The following ANP32A variants were observed in gnomAD, a reference collection of about 807,000 sequenced individuals.
ANP32A encodes the protein acidic leucine-rich nuclear phosphoprotein 32 family member A.
Under a neutral mutation model 33.9 loss-of-function variants are expected in ANP32A, and 1 was observed. The ratio of observed to expected loss-of-function variants is 0.03; its 90% confidence interval spans 0.01 to 0.14. The LOEUF is 0.14. Among genes scored for constraint, ANP32A ranks in the 10% least tolerant of loss-of-function variants. The pLI is 1.00. For synonymous variants in ANP32A, 115 were observed against 120.5 expected (o/e 0.95, Z 0.30); for missense variants, 155 against 306.0 (o/e 0.51, Z 3.68).
chr15:68,811,095 C>T lies in ANP32A; in HGVS notation c.54+9603G>A, dbSNP rs538757553. 2.0e-4 allele frequency among the ~76,000 whole-genome samples: 30 copies of T among 151,370 alleles called. 1 individual carries two copies. The highest frequency in any genetic ancestry group is 3.4e-3 in the Middle Eastern group (1 of 292). ...AAAAAAAAAAAAGAATGCTGAATCC[C>T]GCCACTGAGACATCATGCAAGATAA... On this transcript the variant is annotated intron_variant, in intron 1 of 6. Transcript: ENST00000465139.
rs144316654 is a variant in ANP32A, at chr15:68,786,147, T to A, written c.327+1266A>T. 4.1e-3 allele frequency among the ~76,000 whole-genome samples: 619 copies of A among 152,044 alleles called. 7 individuals are homozygous for A. The highest frequency in any genetic ancestry group is 0.014 in the African/African-American group (572 of 41,468). On this transcript the variant is annotated intron_variant, in intron 3 of 6. Coordinates refer to ENST00000465139, the MANE Select transcript of ANP32A (RefSeq NM_006305.4). Reference sequence around the variant, plus strand: ...GAAAACTCCAGCCCAATCTGAGGGATACCCAACCTCCCCTATAAACCCAGA... The same window carrying A: ...GAAAACTCCAGCCCAATCTGAGGGAAACCCAACCTCCCCTATAAACCCAGA...
Position 68,779,765 on chromosome 15 carries a change from T to G in ANP32A, c.*316A>C. The G allele has an allele frequency of 3.6e-6, 1 of 274,432 alleles. No individual in the cohort carries two copies. Among genetic ancestry groups the G allele is most frequent in the Non-Finnish European group, 6.9e-6 (1 of 145,674 alleles). The allele number at this position is 274,432 out of a possible 1,614,324, so 17.0% of individuals were successfully genotyped here. On this transcript the variant is annotated 3_prime_UTR_variant, in exon 7 of 7. Transcript: ENST00000465139. The stretch of plus-strand genomic sequence containing the variant: ...GGAAACGTAAGAGAACTCCAAACCA[T>G]CCTCTTTGAGAGTCAGGAACAAATG...
In ANP32A at chr15:68,779,922, C is replaced by A; in HGVS notation, c.*159G>T. 1 of 507,326 alleles carries A rather than the reference C, an allele frequency of 2.0e-6. No individual in the cohort carries two copies. The highest frequency in any genetic ancestry group is 3.4e-6 in the Non-Finnish European group (1 of 294,132). 31.4% of individuals were successfully genotyped at this position (507,326 alleles called of 1,614,324 possible). A position where few individuals can be genotyped will look rare whatever the true frequency, so the allele number is the denominator to read the frequency against. ...CCACCCCCACCCGCCATCCCTCCCC[C>A]CGCAACCCCCAGTACACTCTTCCCC... On this transcript the variant is annotated 3_prime_UTR_variant, in exon 7 of 7. Transcript: ENST00000465139.
At position 68,783,107 on chromosome 15, in the gene ANP32A, C is replaced by G. The variant is rs920726515; in HGVS notation, c.527-54G>C. 80 of 1,548,490 alleles carry G rather than the reference C, an allele frequency of 5.2e-5. No individual in the cohort carries two copies. The Middle Eastern group carries it at 2.3e-3, about 45-fold the overall frequency. On this transcript the variant is annotated intron_variant, in intron 4 of 6. Transcript: ENST00000465139. ...AGAACTAGTGGTGAGCTGGCTCCGC[C>G]CCCCACACAGCACAGGCCCCTTGTA...
intron 1 of ANP32A, among the ~76,000 whole-genome samples, chr15:68,805,018 C>G (rs2140369419): frequency 6.6e-6 from 1 of 152,274 alleles, no homozygotes; most frequent in East Asian, 1.9e-4. Flanking sequence ...GAGGTGGGGT[C>G]TGCTGCTGTA....
At chr15:68,806,427 C>T (rs1048181079) in intron 1 of ANP32A, among the ~76,000 whole-genome samples, 2 of 152,196 alleles carry the variant, frequency 1.3e-5, no homozygotes, top group Non-Finnish European at 2.9e-5. Context: ...GAATGAAGTA[C>T]CCTTCTGGCT....
chr15:68,792,824 C>T (rs1184617111), intron 1 of ANP32A, among the ~76,000 whole-genome samples: 1 of 152,210 alleles, frequency 6.6e-6, no homozygotes, highest in African/African-American at 2.4e-5. Flanking sequence ...AGGCCTCAGG[C>T]TTCTGCCTCT....
chr15:68,813,871 T>TTTC (rs1329172414), intron 1 of ANP32A, among the ~76,000 whole-genome samples: 2 of 146,124 alleles, frequency 1.4e-5, no homozygotes, highest in Admixed American at 6.8e-5. Flanking sequence ...CCAGGAAGTT[T>TTTC]TTTTTTTTTT....
At position 68,806,817 on chromosome 15, in the gene ANP32A, T is replaced by G. The variant is rs148072475; in HGVS notation, c.54+13881A>C. On this transcript the variant is annotated intron_variant, in intron 1 of 6. Coordinates refer to ENST00000465139, the MANE Select transcript of ANP32A (RefSeq NM_006305.4). ...AGTGGAAGGAACGCCTGGGTGGCTG[T>G]GAAGGCCAGTTTCTGACCCTCCATA... Among the ~76,000 whole-genome samples, 256 of 152,348 alleles carry G rather than the reference T, an allele frequency of 1.7e-3. 1 individual carries two copies. The highest frequency in any genetic ancestry group is 5.9e-3 in the African/African-American group (245 of 41,574).
intron 1 of ANP32A, among the ~76,000 whole-genome samples, chr15:68,814,721 C>T (rs1472274232): frequency 6.6e-6 from 1 of 152,186 alleles, no homozygotes; most frequent in Non-Finnish European, 1.5e-5. Context: ...AGCCACTATG[C>T]TGCTGGTTCA....
At chr15:68,819,155 G>C (rs756324350) in intron 1 of ANP32A, among the ~76,000 whole-genome samples, 7 of 152,324 alleles carry the variant, frequency 4.6e-5, no homozygotes, top group East Asian at 3.9e-4. Flanking sequence ...TAACGGGCTA[G>C]AGGGGCGACA....
intron 4 of ANP32A, 147 bp from the exon 5 acceptor site, chr15:68,783,200 C>G: frequency 7.8e-7 from 1 of 1,276,232 alleles, no homozygotes; most frequent in Non-Finnish European, 1.1e-6. Context: ...CACACTAACT[C>G]TCATGAAAAC....
chr15:68,783,072 G>A lies in ANP32A; in HGVS notation c.527-19C>T. 6.4e-7 allele frequency: 1 copy of A among 1,551,610 alleles called. No homozygotes were observed. The highest frequency in any genetic ancestry group is 8.7e-7 in the Non-Finnish European group (1 of 1,146,932). ...TCCTCCTCTGTGCAATCGAAATGGG[G>A]AACGGAAACAGAACTAGTGGTGAGC... is the stretch of plus-strand genomic sequence containing the variant. On this transcript the variant is annotated intron_variant, in intron 4 of 6. Transcript: ENST00000465139.
chr15:68,796,472 C>T (rs1443489387), intron 1 of ANP32A, among the ~76,000 whole-genome samples: 1 of 152,226 alleles, frequency 6.6e-6, no homozygotes. Context: ...GTCTCCACCT[C>T]CCAAAGTGTT....
intron 5 of ANP32A, 68 bp downstream of exon 5, chr15:68,782,888 C>T (rs555150010): frequency 6.5e-7 from 1 of 1,544,328 alleles, no homozygotes; most frequent in African/African-American, 1.4e-5. Flanking sequence ...CAAGACTGAT[C>T]ACAGAGGCAG....
chr15:68,810,458 G>A (rs946990752), intron 1 of ANP32A, among the ~76,000 whole-genome samples: 2 of 152,136 alleles, frequency 1.3e-5, no homozygotes, highest in Admixed American at 6.5e-5. Flanking sequence ...GAGGACATGG[G>A]TTCCCTTTGG....
chr15:68,789,468 T>C (rs1893973668), intron 1 of ANP32A: 1 of 152,272 alleles, frequency 6.6e-6, no homozygotes, highest in Non-Finnish European at 1.5e-5. Flanking sequence ...CAGGCCAACA[T>C]GCCTAGCTTC....
At chr15:68,781,140 A>C (rs1012464244) in intron 5 of ANP32A, 3 of 152,124 alleles carry the variant, frequency 2.0e-5, no homozygotes. Context: ...TGCAAGTTGA[A>C]TCTCTGCTTG....
At chr15:68,798,992 G>A (rs1342294821) in intron 1 of ANP32A, among the ~76,000 whole-genome samples, 1 of 152,220 alleles carries the variant, frequency 6.6e-6, no homozygotes, top group Non-Finnish European at 1.5e-5. Flanking sequence ...GGGGCTGAAA[G>A]TTTTTTCTAT....
Sources: gnomAD v4.1 joint callset for allele counts (sites outside exome capture counted in the v4.1 genomes callset) on GRCh38, gnomAD v4.1.1 for gene constraint, MANE v1.5 for transcripts, NCBI Gene and HGNC (gene_info 2026-07-23, HGNC 2026-07-21) for gene names.